Variants in TRMT11 observed in about 807,000 individuals in gnomAD.
TRMT11 encodes tRNA methyltransferase 11.
TRMT11 carries 53 observed loss-of-function variants against 62.8 expected under a neutral mutation model. The ratio of observed to expected loss-of-function variants is 0.84; its 90% confidence interval spans 0.68 to 1.06. TRMT11 has a LOEUF of 1.06. Among genes scored for constraint, TRMT11 ranks in the 50% least tolerant of loss-of-function variants. The pLI, the probability that TRMT11 is intolerant of heterozygous loss-of-function variation, is 0.00. For synonymous variants in TRMT11, 188 were observed against 190.3 expected (o/e 0.99, Z 0.10); for missense variants, 556 against 553.4 (o/e 1.00, Z -0.05).
intron 17 of TRMT11, among the ~76,000 whole-genome samples, chr6:126,112,517 C>G (rs1167820349): frequency 8.5e-5 from 13 of 152,122 alleles, no homozygotes; most frequent in African/African-American, 2.7e-4. Context: ...TGGCTAGATG[C>G]CAGTCAGGAG....
At chr6:126,049,738 A>G (rs1354551007) in intron 16 of TRMT11, among the ~76,000 whole-genome samples, 3 of 152,252 alleles carry the variant, frequency 2.0e-5, no homozygotes, top group African/African-American at 4.8e-5. Flanking sequence ...AATTTTCTTC[A>G]GAGTAGAATA....
intron 17 of TRMT11, among the ~76,000 whole-genome samples, chr6:126,059,908 C>A (rs1230420012): frequency 6.6e-6 from 1 of 152,174 alleles, no homozygotes; most frequent in Admixed American, 6.5e-5. Context: ...CTGAGGCATT[C>A]ATTGGCATGG....
the TRMT11 span, among the ~76,000 whole-genome samples, chr6:126,221,106 G>GCA: frequency 6.6e-6 from 1 of 152,100 alleles, no homozygotes; most frequent in Non-Finnish European, 1.5e-5. Flanking sequence ...TCCTTTTCAT[G>GCA]ACTGCATAGT....
At chr6:126,186,727 T>C (rs1166929406) in intron 1 of TRMT11, among the ~76,000 whole-genome samples, 1 of 152,104 alleles carries the variant, frequency 6.6e-6, no homozygotes, top group African/African-American at 2.4e-5. Context: ...TTTAGTCACT[T>C]TTTTCCCTTG....
intron 7 of TRMT11, chr6:126,006,755 A>G (rs577229803): frequency 1.3e-5 from 2 of 152,098 alleles, no homozygotes; most frequent in South Asian, 4.1e-4. Context: ...CTAATTTATT[A>G]TGATTTTATT....
intron 1 of TRMT11, among the ~76,000 whole-genome samples, chr6:125,992,484 T>C (rs1029476816): frequency 6.6e-6 from 1 of 152,224 alleles, no homozygotes; most frequent in Non-Finnish European, 1.5e-5. Flanking sequence ...CTATCAGTCT[T>C]GGTTGACTTC....
At chr6:126,100,065 G>C (rs748818362) in intron 17 of TRMT11, among the ~76,000 whole-genome samples, 29 of 152,124 alleles carry the variant, frequency 1.9e-4, no homozygotes, top group Non-Finnish European at 3.7e-4. Flanking sequence ...CATGCCCACC[G>C]GTGACACTCT....
At chr6:126,164,806 C>CT (rs938717386) in intron 21 of TRMT11, among the ~76,000 whole-genome samples, 13 of 151,824 alleles carry the variant, frequency 8.6e-5, no homozygotes, top group Admixed American at 3.9e-4. Flanking sequence ...GCAACCCCTG[C>CT]TTTTTTTTGC....
intron 18 of TRMT11, among the ~76,000 whole-genome samples, chr6:126,113,674 G>T (rs1349093329): frequency 1.3e-5 from 2 of 152,078 alleles, no homozygotes; most frequent in Non-Finnish European, 2.9e-5. Context: ...AGAACTTACA[G>T]AGTGGAGCCT....
rs74674136 is a variant in TRMT11 at position 126,046,582 on chromosome 6, T to G, written c.*1369+5737T>G. Among the ~76,000 whole-genome samples, 336 of 152,266 alleles carry G rather than the reference T, an allele frequency of 2.2e-3. 1 individual carries two copies. The highest frequency in any genetic ancestry group is 3.6e-3 in the Non-Finnish European group (247 of 68,026). ...TGGGGCCCAGGACTCAGCCACCACA[T>G]GTACCCATCTGAATATGCTGGGGGA... On this transcript the variant is annotated intron_variant and NMD_transcript_variant, in intron 16 of 22. Transcript: ENST00000648977.
chr6:126,218,645 A>G, the TRMT11 span, among the ~76,000 whole-genome samples: 24 of 152,322 alleles, frequency 1.6e-4, no homozygotes, highest in African/African-American at 5.1e-4. Context: ...CTCAAGTGGA[A>G]GGAAGAATTC....
chr6:126,116,783 T>G, intron 21 of TRMT11, among the ~76,000 whole-genome samples: 1 of 152,108 alleles, frequency 6.6e-6, no homozygotes, highest in Non-Finnish European at 1.5e-5. Context: ...ACAAACAGTT[T>G]TATACAAGCA....
At chr6:126,257,107 A>C in the TRMT11 span, among the ~76,000 whole-genome samples, 1 of 151,584 alleles carries the variant, frequency 6.6e-6, no homozygotes, top group Non-Finnish European at 1.5e-5. Flanking sequence ...GCTGATCTTG[A>C]ACTCCTGACC....
chr6:125,990,104 A>G (rs1355648828), intron 1 of TRMT11, among the ~76,000 whole-genome samples: 1 of 152,200 alleles, frequency 6.6e-6, no homozygotes, highest in Non-Finnish European at 1.5e-5. Flanking sequence ...TTCAATGTAG[A>G]AAGCGTAGTT....
chr6:126,066,612 T>A (rs146526247), intron 17 of TRMT11, among the ~76,000 whole-genome samples: 1 of 152,228 alleles, frequency 6.6e-6, no homozygotes, highest in African/African-American at 2.4e-5. Flanking sequence ...CCACTGGGGG[T>A]TGGGGTTTTA....
chr6:126,129,047 C>T (rs892833045), intron 21 of TRMT11, among the ~76,000 whole-genome samples: 2 of 151,784 alleles, frequency 1.3e-5, no homozygotes, highest in African/African-American at 4.8e-5. Flanking sequence ...AGCTCTACCA[C>T]GAACTAGCAA....
chr6:125,998,492 G>GC, intron 5 of TRMT11, 58 bp from the exon 6 acceptor site: 1 of 1,539,592 alleles, frequency 6.5e-7, no homozygotes, highest in Non-Finnish European at 8.8e-7. Context: ...TATTAGATAA[G>GC]CGCCATTTTT....
chr6:126,248,367 C>T, the TRMT11 span, among the ~76,000 whole-genome samples: 3 of 152,072 alleles, frequency 2.0e-5, no homozygotes, highest in Admixed American at 6.5e-5. Flanking sequence ...AACAAGAAGT[C>T]AGCAACTTTC....
chr6:126,011,341 C>G lies in TRMT11; in HGVS notation c.849C>G (p.Tyr283Ter). 6.2e-7 allele frequency: 1 copy of G among 1,613,192 alleles called. No individual in the cohort carries two copies. The change falls in exon 9 of 13, where the codon TAC (tyrosine) becomes TAG (stop). Residue 283 changes from tyrosine to a stop codon, truncating the protein, a stop_gained. Coordinates refer to ENST00000334379, the MANE Select transcript of TRMT11 (RefSeq NM_001031712.3). LOFTEE classifies it high-confidence loss of function. The part of the protein sequence containing the change: ...NLRQYGLEKY[Y>*]LDVLVSDASK... ...GTCAATATGGTTTAGAGAAGTATTACCTTGATGTCCTGGTTTCAGATGCAT... is the reference window on the plus strand; with the variant it reads ...GTCAATATGGTTTAGAGAAGTATTAGCTTGATGTCCTGGTTTCAGATGCAT...
Sources: allele counts gnomAD v4.1 joint callset (sites outside exome capture counted in the v4.1 genomes callset), GRCh38; gene constraint gnomAD v4.1.1; transcripts MANE v1.5; gene names NCBI Gene and HGNC (gene_info 2026-07-23, HGNC 2026-07-21).